Variants in LRRC37A2 observed in about 807,000 individuals in gnomAD.
LRRC37A2 encodes leucine-rich repeat-containing protein 37A2.
LRRC37A2 carries 9 observed loss-of-function variants against 68.8 expected under a neutral mutation model. The observed-to-expected ratio is 0.13, with a 90% CI of 0.08 to 0.23. The LOEUF (loss-of-function observed/expected upper bound fraction) is 0.23, where lower values mean the gene tolerates loss of function less well. Among genes scored for constraint, LRRC37A2 ranks in the 10% least tolerant of loss-of-function variants. The pLI, the probability that LRRC37A2 is intolerant of heterozygous loss-of-function variation, is 1.00. For missense variants in LRRC37A2, 168 were observed against 950.4 expected (o/e 0.18, Z 10.82); for synonymous variants, 63 against 367.6 (o/e 0.17, Z 9.48).
At chr17:46,960,932 T>G in the LRRC37A2 span, among the ~76,000 whole-genome samples, 1 of 152,160 alleles carries the variant, frequency 6.6e-6, no homozygotes, top group African/African-American at 2.4e-5. Flanking sequence ...CTCTAAGTAT[T>G]TGTCAAAATA....
chr17:46,535,079 A>C (rs1403190645), intron 6 of LRRC37A2, among the ~76,000 whole-genome samples: 1 of 148,058 alleles, frequency 6.8e-6, no homozygotes, highest in African/African-American at 2.6e-5. Flanking sequence ...TTTTTTGTAG[A>C]GACAGGGTTT....
the LRRC37A2 span, among the ~76,000 whole-genome samples, chr17:46,905,311 G>C: frequency 6.6e-6 from 1 of 152,048 alleles, no homozygotes; most frequent in African/African-American, 2.4e-5. Flanking sequence ...CCTGACCTCA[G>C]GTAATCCACC....
the LRRC37A2 span, among the ~76,000 whole-genome samples, chr17:46,494,916 G>T: frequency 1.3e-5 from 2 of 151,074 alleles, no homozygotes; most frequent in Non-Finnish European, 2.9e-5. Flanking sequence ...AAACTGAAAC[G>T]TATTCCTTCT....
At chr17:46,847,127 C>T in the LRRC37A2 span, among the ~76,000 whole-genome samples, 1 of 152,190 alleles carries the variant, frequency 6.6e-6, no homozygotes, top group Non-Finnish European at 1.5e-5. Context: ...TTTCTTACCC[C>T]ACACTCCCAA....
chr17:46,860,210 G>A, the LRRC37A2 span, among the ~76,000 whole-genome samples: 1 of 152,168 alleles, frequency 6.6e-6, no homozygotes, highest in Non-Finnish European at 1.5e-5. Flanking sequence ...GGATGATGGT[G>A]GACTTTCTGT....
chr17:47,044,887 C>T, the LRRC37A2 span, among the ~76,000 whole-genome samples: 15 of 145,760 alleles, frequency 1.0e-4, no homozygotes, highest in East Asian at 2.1e-4. Flanking sequence ...TGGCACACAC[C>T]TGTAGTTCTA....
chr17:46,958,840 G>A, the LRRC37A2 span, among the ~76,000 whole-genome samples: 1 of 152,232 alleles, frequency 6.6e-6, no homozygotes, highest in African/African-American at 2.4e-5. Context: ...CGGAGCTCTA[G>A]CCTGCTCTGC....
the LRRC37A2 span, among the ~76,000 whole-genome samples, chr17:46,892,075 T>C: frequency 6.6e-6 from 1 of 151,748 alleles, no homozygotes; most frequent in African/African-American, 2.4e-5. Flanking sequence ...TCCACCACCA[T>C]GTCCAGCTAA....
chr17:46,540,642 G>GATGCAAATTA (rs1157565821), intron 7 of LRRC37A2, among the ~76,000 whole-genome samples, 165 bp from the exon 7 acceptor site: 1 of 144,210 alleles, frequency 6.9e-6, no homozygotes, highest in African/African-American at 2.7e-5. Context: ...TCATTAATTT[G>GATGCAAATTA]ATGATGCAAA....
At chr17:46,845,485 A>ATT in the LRRC37A2 span, among the ~76,000 whole-genome samples, 788 of 121,348 alleles carry the variant, frequency 6.5e-3, 44 homozygotes, top group South Asian at 0.1. Context: ...AGTTATCTGA[A>ATT]TTTTTTTTTT....
At chr17:46,942,230 C>T in the LRRC37A2 span, among the ~76,000 whole-genome samples, 11 of 152,232 alleles carry the variant, frequency 7.2e-5, no homozygotes, top group Non-Finnish European at 1.6e-4. Flanking sequence ...TCATCTGTTA[C>T]TGTCTCAACC....
At chr17:46,817,375 C>G in the LRRC37A2 span, among the ~76,000 whole-genome samples, 4 of 152,312 alleles carry the variant, frequency 2.6e-5, no homozygotes, top group African/African-American at 7.2e-5. Context: ...CTCACCTCCC[C>G]CCGCCCAGGC....
the LRRC37A2 span, among the ~76,000 whole-genome samples, chr17:46,807,707 A>G: frequency 2.0e-5 from 3 of 152,228 alleles, no homozygotes; most frequent in African/African-American, 7.2e-5. Flanking sequence ...GGCCAGGTAC[A>G]AAGACTCCAA....
At chr17:47,002,150 T>G in the LRRC37A2 span, among the ~76,000 whole-genome samples, 1 of 152,304 alleles carries the variant, frequency 6.6e-6, no homozygotes, top group East Asian at 1.9e-4. Context: ...ACCATAATTA[T>G]TTTGAGATGT....
the LRRC37A2 span, among the ~76,000 whole-genome samples, chr17:46,812,529 CT>C: frequency 6.6e-6 from 1 of 152,218 alleles, no homozygotes; most frequent in Non-Finnish European, 1.5e-5. Context: ...GCCCAGCCCC[CT>C]GGCTCTAGGT....
the LRRC37A2 span, among the ~76,000 whole-genome samples, chr17:46,882,497 G>A: frequency 7.3e-4 from 111 of 151,984 alleles, no homozygotes; most frequent in African/African-American, 2.7e-3. Context: ...GTGCAGTGGT[G>A]CGATCTCGGC....
At chr17:46,610,099 TTCTCTCTCTC>T in the LRRC37A2 span, among the ~76,000 whole-genome samples, 120 of 89,494 alleles carry the variant, frequency 1.3e-3, 4 homozygotes, top group African/African-American at 5.1e-3. Flanking sequence ...TTTTCTCTCT[TTCTCTCTCTC>T]TCTCTCTCTC....
At chr17:46,964,372 G>A in the LRRC37A2 span, 1 of 152,244 alleles carries the variant, frequency 6.6e-6, no homozygotes. Context: ...ACTTCTGATG[G>A]AGGTGATCTG....
chr17:46,708,363 G>GT, the LRRC37A2 span, among the ~76,000 whole-genome samples: 23 of 151,506 alleles, frequency 1.5e-4, no homozygotes, highest in Admixed American at 4.6e-4. Flanking sequence ...ATTATTTTCT[G>GT]TTTTTTTGGT....
Sources: allele counts gnomAD v4.1 joint callset (sites outside exome capture counted in the v4.1 genomes callset), GRCh38; gene constraint gnomAD v4.1.1; transcripts MANE v1.5; gene names NCBI Gene and HGNC (gene_info 2026-07-23, HGNC 2026-07-21).